The following RGL1 variants were observed in gnomAD, a reference collection of about 807,000 sequenced individuals.
RGL1 encodes the protein ral guanine nucleotide dissociation stimulator like 1, also known as ral guanine nucleotide dissociation stimulator-like 1.
In RGL1, 24 loss-of-function variants were observed where a neutral mutation model predicts 95.2. The ratio of observed to expected loss-of-function variants is 0.25; its 90% CI spans 0.18 to 0.35. The LOEUF (loss-of-function observed/expected upper bound fraction) is 0.35. Among genes scored for constraint, RGL1 ranks in the 10% least tolerant of loss-of-function variants. RGL1 has a pLI of 1.00. For synonymous variants in RGL1, 329 were observed against 344.9 expected (o/e 0.95, Z 0.51); for missense variants, 715 against 936.3 (o/e 0.76, Z 3.08).
chr1:183,920,084 G>C (rs955797081), intron 16 of RGL1, among the ~76,000 whole-genome samples: 5 of 151,888 alleles, frequency 3.3e-5, no homozygotes, highest in African/African-American at 1.2e-4. Context: ...GCCTGGGCTG[G>C]ATTGCAATGG....
At chr1:183,904,817 T>C (rs563675454) in intron 12 of RGL1, 33 bp from the exon 13 acceptor site, 1 of 1,578,510 alleles carries the variant, frequency 6.3e-7, no homozygotes, top group African/African-American at 1.4e-5. Flanking sequence ...TTCAGTCTTT[T>C]TTTTTTAATT....
At chr1:183,657,900 CCCA>C (rs1651299639) in intron 1 of RGL1, among the ~76,000 whole-genome samples, 1 of 152,180 alleles carries the variant, frequency 6.6e-6, no homozygotes, top group South Asian at 2.1e-4. Context: ...AGTTCACAGT[CCCA>C]CCAACAGTGT....
chr1:183,880,847 C>G, intron 5 of RGL1, 47 bp downstream of exon 5: 1 of 1,566,512 alleles, frequency 6.4e-7, no homozygotes, highest in Non-Finnish European at 8.7e-7. Context: ...TCTGATTCTC[C>G]AGCCTCCACG....
chr1:183,649,926 C>G (rs1650595101), intron 1 of RGL1, among the ~76,000 whole-genome samples: 1 of 152,166 alleles, frequency 6.6e-6, no homozygotes, highest in Admixed American at 6.5e-5. Context: ...ATCCTCCTGC[C>G]TCAGCCTCCC....
intron 1 of RGL1, among the ~76,000 whole-genome samples, chr1:183,641,669 A>G (rs12048127): frequency 0.069 from 10,451 of 152,236 alleles, 627 homozygotes; most frequent in African/African-American, 0.16. Flanking sequence ...TAACTTTGTA[A>G]ATGAATTTAG....
At chr1:183,664,955 G>C (rs1651928573) in intron 1 of RGL1, among the ~76,000 whole-genome samples, 1 of 151,982 alleles carries the variant, frequency 6.6e-6, no homozygotes, top group East Asian at 1.9e-4. Flanking sequence ...TCCTTGCCTT[G>C]TTCCTGATCT....
intron 3 of RGL1, among the ~76,000 whole-genome samples, chr1:183,854,861 T>C (rs1038403194): frequency 6.6e-6 from 1 of 152,198 alleles, no homozygotes; most frequent in Admixed American, 6.5e-5. Flanking sequence ...AGAGTTATTA[T>C]AAAGTTTGAA....
chr1:183,828,466 T>G (rs1663030748), intron 2 of RGL1, among the ~76,000 whole-genome samples: 1 of 152,142 alleles, frequency 6.6e-6, no homozygotes, highest in South Asian at 2.1e-4. Flanking sequence ...GGGGATGTCT[T>G]CAGTGAGCAA....
chr1:183,852,509 T>C (rs1664883635), intron 3 of RGL1, among the ~76,000 whole-genome samples: 1 of 152,178 alleles, frequency 6.6e-6, no homozygotes, highest in Admixed American at 6.5e-5. Flanking sequence ...ACTTCAAACA[T>C]ACACTCACTC....
rs140368737 is a variant in RGL1 at position 183,774,080 on chromosome 1, G to A, written c.132+31791G>A. Among the ~76,000 whole-genome samples, 519 of 152,242 alleles carry A rather than the reference G, an allele frequency of 3.4e-3. 2 individuals carry two copies. Among genetic ancestry groups the A allele is most frequent in the Non-Finnish European group, 6.0e-3 (407 of 68,014 alleles). ...GATTGCCATATGCACAGAACTTACC[G>A]GAAGAAGTGTAGCAAGCCCCTTGAT... On this transcript the variant is annotated intron_variant, in intron 2 of 18. Transcript: ENST00000304685.
chr1:183,662,215 A>G (rs930640696), intron 1 of RGL1, among the ~76,000 whole-genome samples: 2 of 151,364 alleles, frequency 1.3e-5, no homozygotes, highest in African/African-American at 4.9e-5. Context: ...GGCCAGGGCA[A>G]TTAGGCAGGA....
chr1:183,648,902 A>G, intron 1 of RGL1: 1 of 776,670 alleles, frequency 1.3e-6, no homozygotes, highest in Non-Finnish European at 2.0e-6. Flanking sequence ...TCTTTAAAGG[A>G]AGTAGCACAA....
At chr1:183,637,850 A>T (rs940156832) in intron 1 of RGL1, among the ~76,000 whole-genome samples, 10 of 152,338 alleles carry the variant, frequency 6.6e-5, no homozygotes, top group African/African-American at 2.4e-4. Flanking sequence ...ATACCAAAGT[A>T]TAAAATCATT....
intron 2 of RGL1, among the ~76,000 whole-genome samples, chr1:183,842,764 A>C (rs1415552595): frequency 1.3e-5 from 2 of 152,198 alleles, no homozygotes; most frequent in Non-Finnish European, 2.9e-5. Flanking sequence ...CTGGGTTATT[A>C]AGCACTTGTC....
chr1:183,913,369 T>A (rs1266641725), intron 15 of RGL1, among the ~76,000 whole-genome samples: 3 of 151,980 alleles, frequency 2.0e-5, no homozygotes, highest in Non-Finnish European at 4.4e-5. Context: ...ATAATTTTTG[T>A]ATTTTTAGTA....
intron 1 of RGL1, among the ~76,000 whole-genome samples, chr1:183,713,518 C>T (rs755838985): frequency 1.3e-5 from 2 of 152,004 alleles, no homozygotes; most frequent in South Asian, 4.2e-4. Context: ...TTTCTCAATG[C>T]GATGGCATTT....
Position 183,641,337 on chromosome 1 carries a change from A to G in RGL1, c.-33+4836A>G, listed in dbSNP as rs1039513451. 2.6e-5 allele frequency among the ~76,000 whole-genome samples: 4 copies of G among 152,082 alleles called. No homozygotes were observed. In the South Asian group the frequency reaches 8.3e-4, roughly 31 times the overall value. On this transcript the variant is annotated intron_variant, in intron 1 of 18. Transcript: ENST00000304685. ...TTTTGTAGAGATGGGGTTTTGCTCT[A>G]TTGCCCAGGCTGGTCTTGAACTCCT...
intron 1 of RGL1, among the ~76,000 whole-genome samples, chr1:183,674,438 A>T (rs1652684620): frequency 6.6e-6 from 1 of 152,140 alleles, no homozygotes; most frequent in African/African-American, 2.4e-5. Flanking sequence ...ATCAAATAAA[A>T]CCAGCTGTGA....
At position 183,880,343 on chromosome 1, in the gene RGL1, T is replaced by C. The variant is rs139053482; in HGVS notation, c.426-273T>C. ...CATCAATTTTTCTGCCCTGTATGGGTTTTTCCAAAGTTTAGCCTCCTTAAA... is the reference window on the plus strand; with the variant it reads ...CATCAATTTTTCTGCCCTGTATGGGCTTTTCCAAAGTTTAGCCTCCTTAAA... On this transcript the variant is annotated intron_variant, in intron 4 of 17. Coordinates refer to ENST00000360851, the MANE Select transcript of RGL1 (RefSeq NM_001297671.3). 1.9e-3 allele frequency among the ~76,000 whole-genome samples: 287 copies of C among 151,384 alleles called. 1 individual carries two copies. The highest frequency in any genetic ancestry group is 7.8e-3 in the South Asian group (37 of 4,766).
Sources: allele counts gnomAD v4.1 joint callset (sites outside exome capture counted in the v4.1 genomes callset), GRCh38; gene constraint gnomAD v4.1.1; transcripts MANE v1.5; gene names NCBI Gene and HGNC (gene_info 2026-07-23, HGNC 2026-07-21).